The following DCTN4 variants were observed in gnomAD, a reference collection of about 807,000 sequenced individuals.
The protein encoded by DCTN4 is dynactin 4 (p62).
DCTN4 carries 23 observed loss-of-function variants against 62.7 expected under a neutral mutation model. That is an observed-to-expected ratio of 0.37 (90% CI 0.26 to 0.52). The LOEUF (loss-of-function observed/expected upper bound fraction) is 0.52, where lower values mean the gene tolerates loss of function less well. DCTN4 is among the 20% of genes least tolerant of loss of function. The pLI, the probability that DCTN4 is intolerant of heterozygous loss-of-function variation, is 0.92. For synonymous variants in DCTN4, 199 were observed against 202.1 expected, an observed-to-expected ratio of 0.98 and a Z score of 0.13; for missense variants, 514 against 580.4, an observed-to-expected ratio of 0.89 and a Z score of 1.18.
chr5:150,728,711 G>A (rs943717846), intron 8 of DCTN4, among the ~76,000 whole-genome samples: 6 of 151,706 alleles, frequency 4.0e-5, no homozygotes, highest in African/African-American at 1.2e-4. Context: ...ACTTTTCTGA[G>A]TTCTCATGTT....
At chr5:150,726,848 G>A (rs1022591807) in intron 8 of DCTN4, among the ~76,000 whole-genome samples, 2 of 152,176 alleles carry the variant, frequency 1.3e-5, no homozygotes, top group African/African-American at 4.8e-5. Flanking sequence ...AATGCCATGT[G>A]TCAAAATCAT....
intron 3 of DCTN4, among the ~76,000 whole-genome samples, chr5:150,749,096 A>T (rs1752575361): frequency 6.6e-6 from 1 of 152,212 alleles, no homozygotes. Context: ...AAAATAAAAA[A>T]ATTGGTAAAT....
At chr5:150,742,597 C>T (rs1338762219) in intron 3 of DCTN4, among the ~76,000 whole-genome samples, 1 of 152,150 alleles carries the variant, frequency 6.6e-6, no homozygotes, top group Non-Finnish European at 1.5e-5. Flanking sequence ...GTTCTATGAC[C>T]TTGGCTTAGA....
chr5:150,752,525 G>A (rs1157305822), intron 3 of DCTN4, among the ~76,000 whole-genome samples: 2 of 152,162 alleles, frequency 1.3e-5, no homozygotes, highest in Non-Finnish European at 2.9e-5. Flanking sequence ...TTTAATAAAT[G>A]TTTTAAAATT....
chr5:150,743,413 A>C (rs1760843055), intron 3 of DCTN4, among the ~76,000 whole-genome samples: 1 of 152,238 alleles, frequency 6.6e-6, no homozygotes, highest in Non-Finnish European at 1.5e-5. Context: ...CTGCAGACTT[A>C]AATGTCCCTG....
At chr5:150,723,900 G>C (rs367679750) in intron 8 of DCTN4, among the ~76,000 whole-genome samples, 1 of 151,924 alleles carries the variant, frequency 6.6e-6, no homozygotes, top group Admixed American at 6.6e-5. Context: ...AGTACATATA[G>C]AGAGGCCTCT....
intron 3 of DCTN4, among the ~76,000 whole-genome samples, chr5:150,747,252 G>A (rs1458107438): frequency 2.4e-4 from 37 of 152,210 alleles, no homozygotes; most frequent in East Asian, 9.7e-4. Context: ...GGACCTCTTC[G>A]AGGAGAACTA....
chr5:150,713,423 C>A (rs1233396726), intron 12 of DCTN4, among the ~76,000 whole-genome samples: 9 of 151,602 alleles, frequency 5.9e-5, no homozygotes, highest in African/African-American at 2.2e-4. Flanking sequence ...CCTTTGCCTT[C>A]ACTTTATTTT....
At chr5:150,719,864 TG>T in intron 9 of DCTN4, 94 bp from the exon 10 acceptor site, 1 of 752,604 alleles carries the variant, frequency 1.3e-6, no homozygotes, top group East Asian at 2.9e-5. Context: ...AAGGATTTCA[TG>T]TTAATTAGAA....
At chr5:150,716,593 CTGTCT>C (rs968533399) in intron 11 of DCTN4, among the ~76,000 whole-genome samples, 5 of 152,050 alleles carry the variant, frequency 3.3e-5, no homozygotes, top group Admixed American at 6.6e-5. Flanking sequence ...TTATTTCTGT[CTGTCT>C]TAACTGGAGC....
chr5:150,712,385 C>A (rs1171747730), intron 12 of DCTN4, among the ~76,000 whole-genome samples: 3 of 152,134 alleles, frequency 2.0e-5, no homozygotes, highest in Non-Finnish European at 4.4e-5. Context: ...CCGCCTCAGC[C>A]TCCCAAAGTG....
At chr5:150,713,555 C>T (rs1759649703) in intron 12 of DCTN4, among the ~76,000 whole-genome samples, 2 of 151,468 alleles carry the variant, frequency 1.3e-5, no homozygotes, top group African/African-American at 4.9e-5. Flanking sequence ...GTGATTCTCC[C>T]ATCTCAGCCT....
At chr5:150,750,483 G>C (rs968568762) in intron 3 of DCTN4, among the ~76,000 whole-genome samples, 1 of 152,160 alleles carries the variant, frequency 6.6e-6, no homozygotes, top group Non-Finnish European at 1.5e-5. Context: ...TTACACTTGT[G>C]CCTTAGGAAA....
intron 3 of DCTN4, among the ~76,000 whole-genome samples, chr5:150,745,945 G>C (rs1760945575): frequency 6.6e-6 from 1 of 151,644 alleles, no homozygotes; most frequent in Non-Finnish European, 1.5e-5. Flanking sequence ...TAAAATCAGA[G>C]CAGAACTGAA....
intron 3 of DCTN4, among the ~76,000 whole-genome samples, chr5:150,747,470 C>T (rs1436373009): frequency 3.3e-5 from 5 of 152,144 alleles, no homozygotes; most frequent in African/African-American, 9.7e-5. Flanking sequence ...AAAAAAGAGC[C>T]CGCATTGCCA....
intron 8 of DCTN4, among the ~76,000 whole-genome samples, chr5:150,723,689 T>A (rs571751063): frequency 1.8e-4 from 27 of 152,276 alleles, no homozygotes; most frequent in Non-Finnish European, 3.8e-4. Context: ...TGGTTAAAAA[T>A]TTTTTTAACA....
chr5:150,736,697 C>T (rs1198236855), intron 4 of DCTN4, among the ~76,000 whole-genome samples: 1 of 150,892 alleles, frequency 6.6e-6, no homozygotes, highest in Non-Finnish European at 1.5e-5. Context: ...AACAATAACA[C>T]AATGAAAAAA....
At chr5:150,717,911 T>C (rs12521328) in intron 11 of DCTN4, among the ~76,000 whole-genome samples, 1 of 152,202 alleles carries the variant, frequency 6.6e-6, no homozygotes, top group African/African-American at 2.4e-5. Flanking sequence ...GCAGCTCTTA[T>C]GCTATGCCAA....
chr5:150,746,100 TA>T (rs1375098779), intron 3 of DCTN4, among the ~76,000 whole-genome samples: 3 of 150,700 alleles, frequency 2.0e-5, no homozygotes, highest in African/African-American at 7.3e-5. Flanking sequence ...TAAAAAATGA[TA>T]AAGGGGATAT....
Sources: gnomAD v4.1 joint callset for allele counts (sites outside exome capture counted in the v4.1 genomes callset) on GRCh38, gnomAD v4.1.1 for gene constraint, MANE v1.5 for transcripts, NCBI Gene and HGNC (gene_info 2026-07-23, HGNC 2026-07-21) for gene names.